The following IGFL2 variants were observed in gnomAD, a reference collection of about 807,000 sequenced individuals.
The protein encoded by IGFL2 is IGF like family member 2.
Under a neutral mutation model 13.9 loss-of-function variants are expected in IGFL2, and 7 were observed. The ratio of observed to expected loss-of-function variants is 0.51; its 90% confidence interval spans 0.29 to 0.95. The LOEUF (loss-of-function observed/expected upper bound fraction) is 0.95, where lower values mean the gene tolerates loss of function less well. Among genes scored for constraint, IGFL2 ranks in the 40% least tolerant of loss-of-function variants. IGFL2 has a pLI of 0.08. For synonymous variants in IGFL2, 55 were observed against 55.8 expected, an observed-to-expected ratio of 0.99 and a Z score of 0.07; for missense variants, 138 against 147.8, an observed-to-expected ratio of 0.93 and a Z score of 0.34.
At chr19:46,118,317 G>A in the IGFL2 span, among the ~76,000 whole-genome samples, 1 of 152,110 alleles carries the variant, frequency 6.6e-6, no homozygotes, top group Non-Finnish European at 1.5e-5. Flanking sequence ...TCAAACAAAT[G>A]GTCTAGGAGA....
the IGFL2 span, chr19:46,190,380 G>C: frequency 6.6e-6 from 1 of 152,198 alleles, no homozygotes; most frequent in Admixed American, 6.5e-5. Context: ...CCCTCCAACA[G>C]GCTGGCCAGA....
chr19:46,137,759 A>G, the IGFL2 span, among the ~76,000 whole-genome samples: 1 of 152,174 alleles, frequency 6.6e-6, no homozygotes, highest in Non-Finnish European at 1.5e-5. Flanking sequence ...GAGTTGATTC[A>G]AAGAACCAGT....
At chr19:46,151,148 A>T (rs762345006) in intron 1 of IGFL2, among the ~76,000 whole-genome samples, 2 of 152,120 alleles carry the variant, frequency 1.3e-5, no homozygotes. Flanking sequence ...TAGATTCTAC[A>T]TACAAGTGAG....
At chr19:46,109,320 CT>C in the IGFL2 span, among the ~76,000 whole-genome samples, 15,605 of 144,452 alleles carry the variant, frequency 0.11, 1,010 homozygotes, top group African/African-American at 0.19. Flanking sequence ...TTACAAAGTA[CT>C]TTTTTTTTTT....
downstream of IGFL2, chr19:46,164,744 T>C (rs1974317699): frequency 6.6e-6 from 1 of 152,228 alleles, no homozygotes; most frequent in Admixed American, 6.5e-5. Flanking sequence ...TGGAGTGCGC[T>C]GGAGAAGGCA....
chr19:46,188,041 C>T, the IGFL2 span, among the ~76,000 whole-genome samples: 1 of 152,158 alleles, frequency 6.6e-6, no homozygotes, highest in Non-Finnish European at 1.5e-5. Flanking sequence ...TTGGTGATGA[C>T]CTTGAGCAAT....
chr19:46,129,421 G>T, the IGFL2 span, among the ~76,000 whole-genome samples: 2 of 150,094 alleles, frequency 1.3e-5, no homozygotes, highest in South Asian at 4.2e-4. Context: ...GGGTTTGTTT[G>T]CTCTGGGTTC....
chr19:46,079,176 T>C, the IGFL2 span, among the ~76,000 whole-genome samples: 1 of 152,218 alleles, frequency 6.6e-6, no homozygotes, highest in Non-Finnish European at 1.5e-5. Flanking sequence ...TTGGCCGCCA[T>C]GTTTTCGTCG....
chr19:46,181,827 A>G, the IGFL2 span, among the ~76,000 whole-genome samples: 2 of 152,206 alleles, frequency 1.3e-5, no homozygotes, highest in Non-Finnish European at 2.9e-5. Context: ...TTCTCAGTAT[A>G]TTTGGCTCTC....
the IGFL2 span, chr19:46,111,663 A>C: frequency 6.6e-6 from 1 of 152,258 alleles, no homozygotes; most frequent in Non-Finnish European, 1.5e-5. Flanking sequence ...CGTATATGAT[A>C]CTAATGGCTA....
chr19:46,127,032 A>G, the IGFL2 span, among the ~76,000 whole-genome samples: 1 of 152,200 alleles, frequency 6.6e-6, no homozygotes, highest in Non-Finnish European at 1.5e-5. Context: ...CTCCCAGCAC[A>G]GTAGCTGGAG....
chr19:46,137,996 T>C, the IGFL2 span, among the ~76,000 whole-genome samples: 3 of 152,248 alleles, frequency 2.0e-5, no homozygotes, highest in African/African-American at 7.2e-5. Context: ...TTCATTGCCA[T>C]GCAGCTTCTG....
At chr19:46,132,297 T>A in the IGFL2 span, among the ~76,000 whole-genome samples, 1 of 152,230 alleles carries the variant, frequency 6.6e-6, no homozygotes, top group Non-Finnish European at 1.5e-5. Context: ...AAATGATCCC[T>A]TTCCATTTCA....
the IGFL2 span, among the ~76,000 whole-genome samples, chr19:46,097,100 C>T: frequency 9.2e-5 from 14 of 152,172 alleles, no homozygotes; most frequent in African/African-American, 3.1e-4. Flanking sequence ...GTACCAGCTC[C>T]TCTTTGTACC....
At chr19:46,148,553 A>G (rs184203335) in intron 1 of IGFL2, among the ~76,000 whole-genome samples, 67 of 152,304 alleles carry the variant, frequency 4.4e-4, no homozygotes, top group African/African-American at 1.5e-3. Context: ...AGTCAGTCCC[A>G]AAATCTGCTC....
chr19:46,130,902 GTCT>G, the IGFL2 span, among the ~76,000 whole-genome samples: 1 of 152,084 alleles, frequency 6.6e-6, no homozygotes, highest in African/African-American at 2.4e-5. Context: ...TGCTGGTGGA[GTCT>G]TCTTTTTTGA....
At chr19:46,215,243 C>A in the IGFL2 span, among the ~76,000 whole-genome samples, 34 of 152,178 alleles carry the variant, frequency 2.2e-4, no homozygotes, top group East Asian at 2.1e-3. Context: ...GTGAATTTTA[C>A]TAACTATAGC....
At chr19:46,092,509 G>C in the IGFL2 span, among the ~76,000 whole-genome samples, 1 of 151,998 alleles carries the variant, frequency 6.6e-6, no homozygotes, top group South Asian at 2.1e-4. Context: ...ATGTGCGCTG[G>C]TAGTCCCAGC....
the IGFL2 span, among the ~76,000 whole-genome samples, chr19:46,211,425 C>T: frequency 5.9e-5 from 9 of 152,212 alleles, no homozygotes; most frequent in Non-Finnish European, 1.0e-4. Context: ...GAAATTCCAC[C>T]TCATTCCTGC....
Sources: gnomAD v4.1 joint callset for allele counts (sites outside exome capture counted in the v4.1 genomes callset) on GRCh38, gnomAD v4.1.1 for gene constraint, MANE v1.5 for transcripts, NCBI Gene and HGNC (gene_info 2026-07-23, HGNC 2026-07-21) for gene names.